The following MAP4K1 variants were observed in gnomAD, a reference collection of about 807,000 sequenced individuals.
MAP4K1 encodes the protein MAPK/ERK kinase kinase kinase 1.
MAP4K1 carries 35 observed loss-of-function variants against 122.8 expected under a neutral mutation model. The observed-to-expected ratio is 0.29, with a 90% CI of 0.22 to 0.38. The LOEUF (loss-of-function observed/expected upper bound fraction) is 0.38, where lower values mean the gene tolerates loss of function less well. Ranked by LOEUF, MAP4K1 falls within the 10% of genes least tolerant of loss-of-function variation. The pLI is 1.00. For synonymous variants in MAP4K1, 412 were observed against 421.3 expected, an observed-to-expected ratio of 0.98 and a Z score of 0.27; for missense variants, 791 against 1,072.6, an observed-to-expected ratio of 0.74 and a Z score of 3.67.
chr19:38,589,331 CA>C (rs1974632624), intron 30 of MAP4K1: 4 of 252,690 alleles, frequency 1.6e-5, no homozygotes, highest in Non-Finnish European at 3.2e-5. Flanking sequence ...AAACAAAAAA[CA>C]ATAAAACTAG....
intron 27 of MAP4K1, 59 bp downstream of exon 27, chr19:38,595,880 G>A: frequency 6.3e-7 from 1 of 1,587,032 alleles, no homozygotes; most frequent in African/African-American, 1.3e-5. Flanking sequence ...TTCGGAGGCA[G>A]AGATCTAGGG....
At chr19:38,606,736 T>TAACAGC (rs1198061010) in intron 16 of MAP4K1, among the ~76,000 whole-genome samples, 1 of 152,122 alleles carries the variant, frequency 6.6e-6, no homozygotes, top group African/African-American at 2.4e-5. Context: ...CTAATAACAG[T>TAACAGC]AACAGCAACT....
intron 25 of MAP4K1, 38 bp from the exon 26 acceptor site, chr19:38,596,524 T>C (rs1599693662): frequency 3.4e-6 from 5 of 1,477,366 alleles, no homozygotes; most frequent in Non-Finnish European, 4.5e-6. Flanking sequence ...TAGGGGGTGG[T>C]TCAGGACGGG....
At chr19:38,590,270 A>C (rs1974663595) in intron 30 of MAP4K1, among the ~76,000 whole-genome samples, 1 of 149,658 alleles carries the variant, frequency 6.7e-6, no homozygotes, top group Admixed American at 6.8e-5. Context: ...TTTAATTTTT[A>C]AAAAGGTCAA....
intron 8 of MAP4K1, 80 bp downstream of exon 8, chr19:38,613,800 A>C: frequency 8.8e-7 from 1 of 1,135,836 alleles, no homozygotes; most frequent in South Asian, 1.3e-5. Context: ...CGGAGCCAGG[A>C]AAGAGGATCC....
rs2145937750 is a variant in MAP4K1, at chr19:38,596,472, T to G, written c.1956A>C (p.Pro652=). ...KFLLVRQVLF[P]LPTPLSVFAL... is the part of the protein sequence containing the mutation. ...CGAACACGGACAGAGGCGTCGGCAG[T>G]GGGAACAGCACCTGCTGCGGGCCGC... The change falls in exon 26 of 31, where the codon CCA becomes CCC. Residue 652 remains proline, a synonymous_variant. Transcript: ENST00000396857. 29 of 1,568,346 alleles carry G rather than the reference T, an allele frequency of 1.8e-5. No homozygotes were observed. Among genetic ancestry groups the G allele is most frequent in the Non-Finnish European group, 2.5e-5 (29 of 1,160,568 alleles).
chr19:38,610,449 G>T (rs951651240), intron 11 of MAP4K1, among the ~76,000 whole-genome samples: 7 of 133,734 alleles, frequency 5.2e-5, no homozygotes, highest in Non-Finnish European at 1.1e-4. Flanking sequence ...GCAGTGGCAC[G>T]ATCCTGGCTC....
At position 38,614,228 on chromosome 19, in the gene MAP4K1, C is replaced by A. The variant is rs200869186; in HGVS notation, c.417+17G>T. On this transcript the variant is annotated intron_variant, in intron 6 of 30. Coordinates refer to ENST00000396857, the MANE Select transcript of MAP4K1 (RefSeq NM_001042600.3). ...TGGGCCCCACCCCCCAACAGCACCC[C>A]TACACCCCCAGACCACCTTGATGTC... 1.9e-6 allele frequency: 3 copies of A among 1,614,004 alleles called. No homozygotes were observed. The highest frequency in any genetic ancestry group is 2.5e-6 in the Non-Finnish European group (3 of 1,179,884).
chr19:38,600,294 T>A, intron 20 of MAP4K1, 141 bp from the exon 21 acceptor site: 1 of 702,852 alleles, frequency 1.4e-6, no homozygotes, highest in Non-Finnish European at 2.4e-6. Flanking sequence ...TCCCAGCCTC[T>A]GTTTCCCCAA....
Position 38,610,933 on chromosome 19 carries a change from C to A in MAP4K1, c.810+118G>T, listed in dbSNP as rs567897276. On this transcript the variant is annotated intron_variant, in intron 11 of 30. Transcript: ENST00000396857. ...GGGGTGGTCCTGGGAAATTCTGAGGCACTAGGGACTTTGGAAAGGCCACGG... is the reference window on the plus strand; with the variant it reads ...GGGGTGGTCCTGGGAAATTCTGAGGAACTAGGGACTTTGGAAAGGCCACGG... 3.5e-6 allele frequency: 3 copies of A among 862,536 alleles called. No individual in the cohort carries two copies. In the African/African-American group the frequency reaches 5.0e-5, roughly 15 times the overall value. 53.4% of individuals were successfully genotyped at this position (862,536 alleles called of 1,614,324 possible).
At chr19:38,587,951 T>C (rs1974575097) in intron 30 of MAP4K1, 134 bp from the exon 31 acceptor site, 5 of 697,538 alleles carry the variant, frequency 7.2e-6, no homozygotes, top group Non-Finnish European at 5.2e-6. Flanking sequence ...ACACGGTCCC[T>C]GCCCTTAGGA....
At position 38,607,871 on chromosome 19, in the gene MAP4K1, C is replaced by T; in HGVS notation, c.1150G>A (p.Val384Met). The T allele has an allele frequency of 6.2e-7, 1 of 1,611,534 alleles. No individual in the cohort carries two copies. Among genetic ancestry groups the T allele is most frequent in the Non-Finnish European group, 8.5e-7 (1 of 1,179,030 alleles). ...AGGCAGGGCCTCACTTACATGTCCA[C>T]GTCGTCATAGTCATCGTCAGACGAC... is the stretch of plus-strand genomic sequence containing the variant. ...SESSDDDYDD[V>M]DIPTPAEDTP... Residue 384 changes from valine (V) to methionine (M), a missense_variant, in exon 16 of 31, where the codon GTG becomes ATG. This residue lies in a region of MAP4K1 where 303 missense variants were observed against 344.8 expected (regional missense o/e 0.88). Coordinates refer to ENST00000396857, the MANE Select transcript of MAP4K1 (RefSeq NM_001042600.3).
intron 16 of MAP4K1, 103 bp from the exon 17 acceptor site, chr19:38,606,318 G>A (rs1975328672): frequency 3.2e-6 from 2 of 617,636 alleles, no homozygotes; most frequent in Non-Finnish European, 5.8e-6. Flanking sequence ...GGTCTGAGGT[G>A]AGGAGGATTA....
At chr19:38,602,395 TATAC>T (rs1975090715) in intron 19 of MAP4K1, among the ~76,000 whole-genome samples, 1 of 148,488 alleles carries the variant, frequency 6.7e-6, no homozygotes, top group African/African-American at 2.5e-5. Context: ...TATATACACA[TATAC>T]ATATATATAT....
intron 4 of MAP4K1, among the ~76,000 whole-genome samples, chr19:38,615,815 G>A (rs1466633244): frequency 5.3e-5 from 8 of 151,722 alleles, no homozygotes; most frequent in Non-Finnish European, 1.0e-4. Flanking sequence ...CTGCCACCAC[G>A]CCCGGCTAAT....
At chr19:38,596,515 A>T in intron 25 of MAP4K1, 29 bp from the exon 26 acceptor site, 1 of 1,503,120 alleles carries the variant, frequency 6.7e-7, no homozygotes, top group African/African-American at 1.4e-5. Context: ...GGGGCGGGCT[A>T]GGGGGTGGTT....
intron 19 of MAP4K1, among the ~76,000 whole-genome samples, chr19:38,605,086 TAAAAAAA>T (rs762922462): frequency 8.0e-6 from 1 of 124,722 alleles, no homozygotes; most frequent in South Asian, 2.4e-4. Flanking sequence ...ACTCCGTCTT[TAAAAAAA>T]AAAAAAAAAA....
At chr19:38,616,131 T>TC in intron 4 of MAP4K1, 64 bp downstream of exon 4, 5 of 1,272,580 alleles carry the variant, frequency 3.9e-6, no homozygotes, top group Non-Finnish European at 5.6e-6. Flanking sequence ...AGAGGTGAAT[T>TC]TGGGTCGGGG....
intron 19 of MAP4K1, among the ~76,000 whole-genome samples, chr19:38,604,128 C>CAAAAAAAAAAAA (rs200072842): frequency 7.5e-5 from 4 of 53,516 alleles, no homozygotes; most frequent in South Asian, 4.9e-4. Context: ...GATACTATCT[C>CAAAAAAAAAAAA]AAAAAAAAAA....
Sources: gnomAD v4.1 joint callset for allele counts (sites outside exome capture counted in the v4.1 genomes callset) on GRCh38, gnomAD v4.1.1 for gene constraint, gnomAD v4.1.1 regional missense constraint, MANE v1.5 for transcripts, NCBI Gene and HGNC (gene_info 2026-07-23, HGNC 2026-07-21) for gene names.